Variants in LARGE1 observed in about 807,000 individuals in gnomAD.
The protein encoded by LARGE1 is LARGE xylosyl- and glucuronyltransferase 1.
In LARGE1, 43 loss-of-function variants were observed where a neutral mutation model predicts 87.6. That is an observed-to-expected ratio of 0.49 (90% CI 0.38 to 0.63). The LOEUF is 0.63. LARGE1 is among the 30% of genes least tolerant of loss of function. The probability of loss-of-function intolerance (pLI) is 0.00; values close to 1 mark genes in which losing one functional copy is unlikely to be tolerated. For missense variants in LARGE1, 802 were observed against 1,000.2 expected (o/e 0.80, Z 2.67); for synonymous variants, 434 against 394.6 (o/e 1.10, Z -1.18).
At chr22:33,270,731 C>G (rs1928198722), downstream of LARGE1, among the ~76,000 whole-genome samples, 1 of 152,140 alleles carries the variant, frequency 6.6e-6, no homozygotes, top group African/African-American at 2.4e-5. Context: ...CCCTAAAGGC[C>G]TGGTGACCAC....
At chr22:33,592,759 G>A (rs574638743) in intron 5 of LARGE1, among the ~76,000 whole-genome samples, 1 of 152,200 alleles carries the variant, frequency 6.6e-6, no homozygotes, top group Non-Finnish European at 1.5e-5. Flanking sequence ...TTTTTTGGGT[G>A]GCTTGCAAAG....
intron 3 of LARGE1, among the ~76,000 whole-genome samples, chr22:33,637,283 G>C (rs2080294848): frequency 1.3e-5 from 2 of 152,126 alleles, no homozygotes; most frequent in South Asian, 4.2e-4. Context: ...TGAGAGAGTT[G>C]CATCTTTATT....
intron 1 of LARGE1, among the ~76,000 whole-genome samples, chr22:33,890,772 G>A (rs2064982600): frequency 7.0e-6 from 1 of 143,816 alleles, no homozygotes; most frequent in Admixed American, 7.0e-5. Context: ...GTTCAGGACA[G>A]AGGAGGTCAT....
At chr22:33,797,746 A>G (rs2146041822) in intron 1 of LARGE1, among the ~76,000 whole-genome samples, 1 of 152,286 alleles carries the variant, frequency 6.6e-6, no homozygotes, top group African/African-American at 2.4e-5. Flanking sequence ...AGGCATCCTA[A>G]CTGATACAGG....
chr22:33,720,116 G>A (rs1483079850), intron 2 of LARGE1, among the ~76,000 whole-genome samples: 2 of 152,144 alleles, frequency 1.3e-5, no homozygotes, highest in Non-Finnish European at 2.9e-5. Flanking sequence ...ATATAATGCA[G>A]TAATTATACA....
chr22:33,125,608 G>A, the LARGE1 span, among the ~76,000 whole-genome samples: 10 of 151,948 alleles, frequency 6.6e-5, no homozygotes, highest in East Asian at 3.9e-4. Flanking sequence ...CACCATGTCC[G>A]GCTAATTTTT....
chr22:33,395,018 A>G (rs1272366106), intron 7 of LARGE1, among the ~76,000 whole-genome samples: 1 of 152,012 alleles, frequency 6.6e-6, no homozygotes, highest in Non-Finnish European at 1.5e-5. Context: ...CGAGGTCAGG[A>G]GATTGAGACC....
At chr22:33,849,836 G>T (rs1290808934) in intron 1 of LARGE1, among the ~76,000 whole-genome samples, 2 of 152,026 alleles carry the variant, frequency 1.3e-5, no homozygotes, top group Non-Finnish European at 2.9e-5. Flanking sequence ...CCTGACCTCA[G>T]GCGATCCTCC....
At chr22:33,253,161 CTGTT>C (rs1927088667) in intron 11 of LARGE1, among the ~76,000 whole-genome samples, 1 of 152,176 alleles carries the variant, frequency 6.6e-6, no homozygotes, top group Non-Finnish European at 1.5e-5. Context: ...CTTAGCCACT[CTGTT>C]TGCTCGTAGA....
chr22:33,808,507 G>C (rs9619375), intron 1 of LARGE1, among the ~76,000 whole-genome samples: 83,396 of 152,074 alleles, frequency 0.55, 23,016 homozygotes, highest in South Asian at 0.64. Flanking sequence ...AATCCAGATA[G>C]TAAGTCTTCT....
chr22:33,748,841 AG>A (rs1399967028), intron 2 of LARGE1, among the ~76,000 whole-genome samples: 1 of 152,200 alleles, frequency 6.6e-6, no homozygotes, highest in East Asian at 1.9e-4. Context: ...GCAGTATGTT[AG>A]GAAGTCTCTC....
At chr22:33,195,983 C>T (rs1467938726) in intron 11 of LARGE1, among the ~76,000 whole-genome samples, 1 of 151,608 alleles carries the variant, frequency 6.6e-6, no homozygotes, top group Non-Finnish European at 1.5e-5. Context: ...TGGTCTCGAT[C>T]TCCTGACCTC....
At chr22:33,182,418 C>A (rs1382941439) in intron 11 of LARGE1, among the ~76,000 whole-genome samples, 2 of 151,948 alleles carry the variant, frequency 1.3e-5, no homozygotes, top group Non-Finnish European at 2.9e-5. Context: ...GTCTGTATCT[C>A]TTTCAGTTAT....
chr22:33,321,113 T>C (rs1936669288), intron 10 of LARGE1: 1 of 152,264 alleles, frequency 6.6e-6, no homozygotes. Context: ...CAAAACTCAC[T>C]ACCCCAGAAG....
chr22:33,130,517 A>G, the LARGE1 span, among the ~76,000 whole-genome samples: 1 of 151,954 alleles, frequency 6.6e-6, no homozygotes, highest in Non-Finnish European at 1.5e-5. Flanking sequence ...TAAAAATTCT[A>G]AGTCCACTTG....
At chr22:33,287,268 C>G (rs1333194794) in intron 12 of LARGE1, among the ~76,000 whole-genome samples, 2 of 152,180 alleles carry the variant, frequency 1.3e-5, no homozygotes, top group Non-Finnish European at 2.9e-5. Context: ...CTAAACAACC[C>G]TAACCAATAT....
chr22:33,115,118 A>C, the LARGE1 span, among the ~76,000 whole-genome samples: 1 of 152,196 alleles, frequency 6.6e-6, no homozygotes, highest in East Asian at 1.9e-4. Context: ...TAGATATTAC[A>C]AACTAAATTG....
chr22:33,193,003 T>G (rs1429153461), intron 11 of LARGE1, among the ~76,000 whole-genome samples: 1 of 90,280 alleles, frequency 1.1e-5, no homozygotes. Context: ...AGTTGCATTT[T>G]AATTTTTCCA....
At chr22:33,625,712 T>TG (rs1457911088) in intron 4 of LARGE1, among the ~76,000 whole-genome samples, 1 of 152,244 alleles carries the variant, frequency 6.6e-6, no homozygotes, top group African/African-American at 2.4e-5. Flanking sequence ...TATGTTCACA[T>TG]GGTCTGTGTT....
Sources: gnomAD v4.1 joint callset for allele counts (sites outside exome capture counted in the v4.1 genomes callset) on GRCh38, gnomAD v4.1.1 for gene constraint, MANE v1.5 for transcripts, NCBI Gene and HGNC (gene_info 2026-07-23, HGNC 2026-07-21) for gene names.